Variants in CFAP299 observed in about 807,000 individuals in gnomAD.
CFAP299 encodes the protein cilia and flagella associated protein 299.
CFAP299 carries 21 observed loss-of-function variants against 27.0 expected under a neutral mutation model. The ratio of observed to expected loss-of-function variants is 0.78; its 90% CI spans 0.55 to 1.12. The LOEUF (loss-of-function observed/expected upper bound fraction) is 1.12. CFAP299 is among the 50% of genes most tolerant of loss of function. CFAP299 has a pLI of 0.00. For missense variants in CFAP299, 310 were observed against 276.6 expected (o/e 1.12, Z -0.86); for synonymous variants, 104 against 98.1 (o/e 1.06, Z -0.36).
chr4:80,937,050 A>C (rs1164917612), intron 4 of CFAP299, among the ~76,000 whole-genome samples: 1 of 151,842 alleles, frequency 6.6e-6, no homozygotes, highest in Non-Finnish European at 1.5e-5. Context: ...TGGGGTGTAG[A>C]TGTTTTCTAC....
intron 2 of CFAP299, chr4:80,388,263 G>C (rs985685590): frequency 1.5e-6 from 1 of 688,862 alleles, no homozygotes; most frequent in Admixed American, 2.0e-5. Flanking sequence ...GGCATGGGCT[G>C]GTCCAGGGAT....
chr4:80,891,256 T>C (rs1734258244), intron 4 of CFAP299, among the ~76,000 whole-genome samples: 1 of 150,168 alleles, frequency 6.7e-6, no homozygotes. Flanking sequence ...AAGGAAGGGA[T>C]CCAGTTTCAG....
chr4:80,349,375 G>A lies in CFAP299; in HGVS notation c.112-13379G>A, dbSNP rs560640509. ...GATGCAATACAAATTCACTACATAT[G>A]CCATGTTTTAATATTTCACATGGAG... On this transcript the variant is annotated intron_variant, in intron 1 of 5. Coordinates refer to ENST00000358105, the MANE Select transcript of CFAP299 (RefSeq NM_152770.3). Among the ~76,000 whole-genome samples the A allele has an allele frequency of 2.0e-5, 3 of 152,264 alleles. No individual in the cohort carries two copies. The East Asian group carries it at 5.8e-4, about 29-fold the overall frequency.
At chr4:80,482,460 A>G (rs1730612971) in intron 2 of CFAP299, among the ~76,000 whole-genome samples, 1 of 152,158 alleles carries the variant, frequency 6.6e-6, no homozygotes. Flanking sequence ...AACTTGATAA[A>G]ATATCTTGGC....
At chr4:80,321,438 C>T in the CFAP299 span, among the ~76,000 whole-genome samples, 36 of 152,160 alleles carry the variant, frequency 2.4e-4, no homozygotes, top group African/African-American at 8.4e-4. Flanking sequence ...AGGGGAGATG[C>T]GGTGTGAGGT....
At chr4:80,714,940 T>C (rs569152732) in intron 3 of CFAP299, among the ~76,000 whole-genome samples, 2 of 152,198 alleles carry the variant, frequency 1.3e-5, no homozygotes, top group East Asian at 3.9e-4. Flanking sequence ...TTCTGACACA[T>C]GACAATTTCT....
intron 2 of CFAP299, among the ~76,000 whole-genome samples, chr4:80,493,945 T>C (rs890714940): frequency 6.6e-6 from 1 of 151,388 alleles, no homozygotes; most frequent in African/African-American, 2.4e-5. Context: ...CCGGCTAATT[T>C]TTTGTATTTT....
At chr4:80,630,611 T>G (rs1175623582) in intron 3 of CFAP299, among the ~76,000 whole-genome samples, 2 of 152,092 alleles carry the variant, frequency 1.3e-5, no homozygotes, top group African/African-American at 4.8e-5. Flanking sequence ...AATATGGGAA[T>G]CATTTCAAGG....
chr4:80,517,036 G>T (rs556873534), intron 2 of CFAP299, among the ~76,000 whole-genome samples: 1 of 152,290 alleles, frequency 6.6e-6, no homozygotes, highest in Non-Finnish European at 1.5e-5. Context: ...TGTATTGAAT[G>T]AATGAGTGGA....
chr4:80,491,946 G>A (rs1469532512), intron 2 of CFAP299, among the ~76,000 whole-genome samples: 1 of 152,068 alleles, frequency 6.6e-6, no homozygotes, highest in Non-Finnish European at 1.5e-5. Context: ...GATCTGAATA[G>A]GAAACTTTTG....
chr4:80,853,511 T>C (rs1731646061), intron 3 of CFAP299, among the ~76,000 whole-genome samples: 1 of 152,154 alleles, frequency 6.6e-6, no homozygotes, highest in Non-Finnish European at 1.5e-5. Context: ...CTATATGAAG[T>C]GAGAGACCAA....
intron 2 of CFAP299, among the ~76,000 whole-genome samples, chr4:80,444,415 A>G (rs1238555378): frequency 6.6e-6 from 1 of 152,232 alleles, no homozygotes; most frequent in African/African-American, 2.4e-5. Flanking sequence ...CCTGACAAAA[A>G]CAAGCAATGG....
At chr4:80,623,820 A>G (rs564391482) in intron 3 of CFAP299, among the ~76,000 whole-genome samples, 3 of 152,244 alleles carry the variant, frequency 2.0e-5, no homozygotes, top group African/African-American at 7.2e-5. Flanking sequence ...AGTCTCTAGA[A>G]TCATCCTAGT....
chr4:80,476,667 G>A (rs1730287755), intron 2 of CFAP299, among the ~76,000 whole-genome samples: 1 of 152,044 alleles, frequency 6.6e-6, no homozygotes, highest in Admixed American at 6.5e-5. Flanking sequence ...ATCTCATTGT[G>A]TTCTTCATCA....
intron 3 of CFAP299, among the ~76,000 whole-genome samples, chr4:80,616,469 A>C (rs1455371598): frequency 2.6e-5 from 4 of 151,978 alleles, no homozygotes; most frequent in Admixed American, 6.6e-5. Flanking sequence ...CCCAAACTGA[A>C]AGGGCTGTAG....
Position 80,806,576 on chromosome 4 carries a change from A to G in CFAP299, c.334-63417A>G, listed in dbSNP as rs376302614. Among the ~76,000 whole-genome samples, 167 of 152,328 alleles carry G rather than the reference A, an allele frequency of 1.1e-3. 1 individual carries two copies. Among genetic ancestry groups the G allele is most frequent in the African/African-American group, 3.7e-3 (153 of 41,588 alleles). ...ACAAACCAGCAAACATCCCTGCCCT[A>G]TTGAATTCAATTTGCAGTGTCATTG... On this transcript the variant is annotated intron_variant, in intron 3 of 5. Transcript: ENST00000358105.
intron 3 of CFAP299, among the ~76,000 whole-genome samples, chr4:80,808,790 A>G (rs1376235296): frequency 6.6e-6 from 1 of 152,122 alleles, no homozygotes; most frequent in East Asian, 1.9e-4. Context: ...CCACAATTAT[A>G]GGTTAGAGCC....
chr4:80,387,838 C>T (rs1309225211), intron 2 of CFAP299: 48 of 1,444,062 alleles, frequency 3.3e-5, no homozygotes, highest in Non-Finnish European at 4.2e-5. Flanking sequence ...CAGGAGTCCC[C>T]TGGTACCTTT....
chr4:80,907,336 T>G (rs998748999), intron 4 of CFAP299, among the ~76,000 whole-genome samples: 1 of 152,210 alleles, frequency 6.6e-6, no homozygotes, highest in Non-Finnish European at 1.5e-5. Context: ...CCTGTCATCT[T>G]CTGAGCCCTC....
Sources: allele counts gnomAD v4.1 joint callset (sites outside exome capture counted in the v4.1 genomes callset), GRCh38; gene constraint gnomAD v4.1.1; transcripts MANE v1.5; gene names NCBI Gene and HGNC (gene_info 2026-07-23, HGNC 2026-07-21).